LURAP1L: variants seen among roughly 807,000 people sequenced by gnomAD.
The protein encoded by LURAP1L is leucine rich adaptor protein 1 like.
Under a neutral mutation model 13.8 loss-of-function variants are expected in LURAP1L, and 12 were observed. That is an observed-to-expected ratio of 0.87 (90% CI 0.56 to 1.41). The LOEUF is 1.41. Among genes scored for constraint, LURAP1L ranks in the 40% most tolerant of loss-of-function variants. LURAP1L has a pLI of 0.00. For synonymous variants in LURAP1L, 139 were observed against 119.2 expected (o/e 1.17, Z -1.08); for missense variants, 375 against 292.9 (o/e 1.28, Z -2.04).
intron 1 of LURAP1L, among the ~76,000 whole-genome samples, chr9:12,784,044 C>G (rs1056229612): frequency 1.3e-5 from 2 of 152,022 alleles, no homozygotes; most frequent in African/African-American, 4.8e-5. Context: ...TTATTTCAAT[C>G]TAATTTACAT....
intron 1 of LURAP1L, among the ~76,000 whole-genome samples, chr9:12,816,305 A>G (rs1554659563): frequency 6.6e-6 from 1 of 152,150 alleles, no homozygotes; most frequent in Non-Finnish European, 1.5e-5. Flanking sequence ...GTCTTTGTTC[A>G]CAGAACTACT....
chr9:12,800,811 C>T (rs1446646942), intron 1 of LURAP1L, among the ~76,000 whole-genome samples: 1 of 152,056 alleles, frequency 6.6e-6, no homozygotes, highest in Admixed American at 6.5e-5. Context: ...ATGAGCTGAA[C>T]AAAACTCTTT....
intron 1 of LURAP1L, among the ~76,000 whole-genome samples, chr9:12,807,662 C>A (rs111398506): frequency 0.012 from 1,815 of 152,280 alleles, 36 homozygotes; most frequent in African/African-American, 0.042. Context: ...TGTATTTAGA[C>A]TATTCACATT....
At chr9:12,788,760 G>C (rs991548692) in intron 1 of LURAP1L, among the ~76,000 whole-genome samples, 1 of 150,814 alleles carries the variant, frequency 6.6e-6, no homozygotes, top group Non-Finnish European at 1.5e-5. Context: ...AGGGTTATAG[G>C]TTACTTTCTT....
At chr9:12,810,988 T>A (rs1156639305) in intron 1 of LURAP1L, among the ~76,000 whole-genome samples, 1 of 152,194 alleles carries the variant, frequency 6.6e-6, no homozygotes, top group African/African-American at 2.4e-5. Flanking sequence ...AATATCTGAG[T>A]CTTCATTATA....
At chr9:12,777,730 G>A (rs367777397) in intron 1 of LURAP1L, 4 of 260,964 alleles carry the variant, frequency 1.5e-5, no homozygotes, top group African/African-American at 9.3e-5. Flanking sequence ...AGGAATGATT[G>A]GTATGTATGT....
At chr9:12,777,899 T>C (rs1259889491) in intron 1 of LURAP1L, among the ~76,000 whole-genome samples, 1 of 152,196 alleles carries the variant, frequency 6.6e-6, no homozygotes, top group Non-Finnish European at 1.5e-5. Flanking sequence ...TAGTGATGAA[T>C]CACAATTAGT....
intron 1 of LURAP1L, among the ~76,000 whole-genome samples, chr9:12,809,714 G>A (rs1435587239): frequency 6.6e-6 from 1 of 152,152 alleles, no homozygotes; most frequent in Non-Finnish European, 1.5e-5. Context: ...GATATAAAAG[G>A]AACTGTGATA....
intron 1 of LURAP1L, among the ~76,000 whole-genome samples, chr9:12,814,571 TG>T (rs1302496037): frequency 1.3e-5 from 2 of 152,162 alleles, no homozygotes; most frequent in Non-Finnish European, 2.9e-5. Flanking sequence ...ACTGAAAAGC[TG>T]CATGTATTAC....
chr9:12,778,879 A>G (rs544100041), intron 1 of LURAP1L, among the ~76,000 whole-genome samples: 1 of 152,346 alleles, frequency 6.6e-6, no homozygotes, highest in African/African-American at 2.4e-5. Flanking sequence ...CACCTTATCC[A>G]TGGGAGATAT....
chr9:12,779,958 C>T (rs1484831733), intron 1 of LURAP1L, among the ~76,000 whole-genome samples: 2 of 152,192 alleles, frequency 1.3e-5, no homozygotes, highest in Non-Finnish European at 2.9e-5. Context: ...TGGCCACTAT[C>T]ACCAAGATCT....
intron 1 of LURAP1L, among the ~76,000 whole-genome samples, chr9:12,805,742 C>T (rs1374121594): frequency 6.6e-6 from 1 of 152,104 alleles, no homozygotes; most frequent in Non-Finnish European, 1.5e-5. Context: ...ATTATGTGAC[C>T]TCTACTCACC....
Position 12,810,626 on chromosome 9 carries a change from C to G in LURAP1L, c.313-10760C>G, listed in dbSNP as rs540304215. Among the ~76,000 whole-genome samples the G allele has an allele frequency of 2.0e-4, 30 of 152,208 alleles. No individual in the cohort carries two copies. The East Asian group carries it at 5.8e-3, about 29-fold the overall frequency. On this transcript the variant is annotated intron_variant, in intron 1 of 1. Transcript: ENST00000319264. ...AATATTTAAGGCATCTAGCTAAGTA[C>G]AGGGTACATAGGAAGCATTTGATAA... is the stretch of plus-strand genomic sequence containing the variant.
rs532937449 is a variant in LURAP1L at position 12,781,692 on chromosome 9, T to A, written c.312+5665T>A. Among the ~76,000 whole-genome samples, 147 of 152,330 alleles carry A rather than the reference T, an allele frequency of 9.7e-4. 1 individual carries two copies. The highest frequency in any genetic ancestry group is 3.2e-3 in the African/African-American group (133 of 41,570). On this transcript the variant is annotated intron_variant, in intron 1 of 1. Coordinates refer to ENST00000319264, the MANE Select transcript of LURAP1L (RefSeq NM_203403.2). ...ACACAGGTTGCTTGTAAATCTTAGC[T>A]ATTGTGAATAGTGCTGCAATAGACA...
chr9:12,788,645 T>G (rs1182699095), intron 1 of LURAP1L, among the ~76,000 whole-genome samples: 14 of 152,142 alleles, frequency 9.2e-5, no homozygotes, highest in Admixed American at 8.5e-4. Flanking sequence ...TAAATTTATT[T>G]ATGGAACAGA....
intron 1 of LURAP1L, chr9:12,814,419 G>C (rs768924548): frequency 2.6e-5 from 4 of 152,154 alleles, no homozygotes; most frequent in Non-Finnish European, 5.9e-5. Flanking sequence ...ATTTATAGCC[G>C]ATTGCATCAG....
At chr9:12,794,154 CT>C (rs2118497293) in intron 1 of LURAP1L, among the ~76,000 whole-genome samples, 1 of 152,164 alleles carries the variant, frequency 6.6e-6, no homozygotes, top group East Asian at 1.9e-4. Context: ...AGCTTTCCCC[CT>C]TCCTAAACTG....
Position 12,775,726 on chromosome 9 carries a change from G to A in LURAP1L, c.11G>A (p.Ser4Asn). The A allele has an allele frequency of 1.3e-6, 2 of 1,580,274 alleles. No individual in the cohort carries two copies. Among genetic ancestry groups the A allele is most frequent in the South Asian group, 1.2e-5 (1 of 86,476 alleles). ...CGTTCCGGAAAAGTCATGGAAGACA[G>A]CCCGCTGCCAGACCTCAGAGACATC... MEDSPLPDLRDIEL... is the reference protein window; with the variant it reads MEDNPLPDLRDIEL... The change falls in exon 1 of 2, where the codon AGC becomes AAC. Residue 4 changes from serine (S) to asparagine (N), a missense_variant. Physicochemically the swap from Ser to Asn is conservative, Grantham distance 46. Transcript: ENST00000319264.
At chr9:12,818,024 T>C (rs1023462250) in intron 1 of LURAP1L, among the ~76,000 whole-genome samples, 1 of 151,894 alleles carries the variant, frequency 6.6e-6, no homozygotes, top group Non-Finnish European at 1.5e-5. Flanking sequence ...TAGACATAGT[T>C]GAATCTATAA....
Sources: allele counts gnomAD v4.1 joint callset (sites outside exome capture counted in the v4.1 genomes callset), GRCh38; gene constraint gnomAD v4.1.1; transcripts MANE v1.5; gene names NCBI Gene and HGNC (gene_info 2026-07-23, HGNC 2026-07-21).